STRN4: variants seen among roughly 807,000 people sequenced by gnomAD.
STRN4 encodes the protein striatin-4.
STRN4 carries 27 observed loss-of-function variants against 77.9 expected under a neutral mutation model. That is an observed-to-expected ratio of 0.35 (90% CI 0.26 to 0.48). The LOEUF is 0.48. Ranked by LOEUF, STRN4 falls within the 20% of genes least tolerant of loss-of-function variation. The probability of loss-of-function intolerance (pLI) is 0.99; values close to 1 mark genes in which losing one functional copy is unlikely to be tolerated. For synonymous variants in STRN4, 466 were observed against 443.1 expected, an observed-to-expected ratio of 1.05 and a Z score of -0.65; for missense variants, 798 against 1,049.7, an observed-to-expected ratio of 0.76 and a Z score of 3.31.
At chr19:46,742,971 A>G (rs769837884) in intron 1 of STRN4, among the ~76,000 whole-genome samples, 8 of 152,214 alleles carry the variant, frequency 5.3e-5, no homozygotes, top group Non-Finnish European at 1.0e-4. Flanking sequence ...TGGGGGAAAA[A>G]CTAGAAAAAA....
Position 46,725,589 on chromosome 19 carries a change from C to G in STRN4, c.1308G>C (p.Ser436=). ...KTWNPKFTLR[S]HYDGIRSLAF... ...CCAGGGAACGAATGCCGTCGTAGTG[C>G]GAGCGCAGGGTGAACTTGGGGTTCC... Residue 436 remains serine, a synonymous_variant, in exon 10 of 18, where the codon TCG becomes TCC. Transcript: ENST00000263280. The G allele has an allele frequency of 6.2e-7, 1 of 1,614,188 alleles. No homozygotes were observed. Among genetic ancestry groups the G allele is most frequent in the African/African-American group, 1.3e-5 (1 of 75,056 alleles).
chr19:46,733,050 C>T lies in STRN4; in HGVS notation c.726G>A (p.Glu242=), dbSNP rs748035986. The T allele has an allele frequency of 1.9e-6, 3 of 1,610,794 alleles. No individual in the cohort carries two copies. The highest frequency in any genetic ancestry group is 2.5e-6 in the Non-Finnish European group (3 of 1,177,484). The change falls in exon 5 of 18, where the codon GAG becomes GAA. Residue 242 remains glutamate, a synonymous_variant. Coordinates refer to ENST00000263280, the MANE Select transcript of STRN4 (RefSeq NM_013403.3). This position sits in a 1 kb window ranked among gnomAD's most constrained non-coding sequence, Gnocchi z 4.3. ...GESLLVKQIE[E]QIKRNAAGKD... ...GTCCACGGGCTCACCTCTTTATCTGCTCCTCGATCTGTTTCACCAGCAGCG... is the reference window on the plus strand; with the variant it reads ...GTCCACGGGCTCACCTCTTTATCTGTTCCTCGATCTGTTTCACCAGCAGCG...
intron 5 of STRN4, 124 bp downstream of exon 5, chr19:46,732,915 C>G: frequency 3.4e-6 from 4 of 1,168,466 alleles, no homozygotes; most frequent in Non-Finnish European, 4.7e-6. Flanking sequence ...CAAGGGAGCC[C>G]ACGGCATACT....
At chr19:46,722,547 T>A (rs1372437630) in intron 14 of STRN4, among the ~76,000 whole-genome samples, 1 of 151,924 alleles carries the variant, frequency 6.6e-6, no homozygotes, top group Non-Finnish European at 1.5e-5. Flanking sequence ...GGAAGAGGAA[T>A]AACAAACATG....
chr19:46,734,916 G>A (rs939383261), intron 4 of STRN4, among the ~76,000 whole-genome samples: 12 of 152,164 alleles, frequency 7.9e-5, no homozygotes, highest in South Asian at 4.1e-4. Context: ...TGCCCGCCTC[G>A]GCCTCCCAAA....
chr19:46,740,710 C>G (rs2054458246), intron 1 of STRN4, among the ~76,000 whole-genome samples: 1 of 152,138 alleles, frequency 6.6e-6, no homozygotes, highest in South Asian at 2.1e-4. Flanking sequence ...CATCAGGTGC[C>G]CCAGTAAGGC....
chr19:46,727,259 T>G (rs1282189320), intron 9 of STRN4, among the ~76,000 whole-genome samples, 193 bp downstream of exon 9: 1 of 151,730 alleles, frequency 6.6e-6, no homozygotes, highest in Non-Finnish European at 1.5e-5. Flanking sequence ...GAACTGTGAT[T>G]AAAACACAGG....
chr19:46,733,169 G>A lies in STRN4; in HGVS notation c.607C>T (p.Leu203=), dbSNP rs757392627. 1.9e-6 allele frequency: 3 copies of A among 1,611,602 alleles called. No homozygotes were observed. The highest frequency in any genetic ancestry group is 2.5e-6 in the Non-Finnish European group (3 of 1,180,016). ...DMRSKRVRSL[L]GRSLELNGAV... is the part of the protein sequence containing the mutation. ...CCGTTGAGCTCCAGCGAGCGGCCCA[G>A]CAGGGAACGGACGCGCTTGGACCGC... Residue 203 remains leucine (L), a synonymous_variant, in exon 5 of 18, where the codon CTG becomes TTG. Transcript: ENST00000263280. The surrounding 1 kb of genome is among the most constrained non-coding windows in gnomAD (Gnocchi z 4.3).
intron 6 of STRN4, among the ~76,000 whole-genome samples, chr19:46,729,470 G>A (rs1599873446): frequency 6.6e-6 from 1 of 152,186 alleles, no homozygotes; most frequent in South Asian, 2.1e-4. Context: ...CCAGTGAGGG[G>A]CCAGCCTCTG....
intron 11 of STRN4, 48 bp from the exon 12 acceptor site, chr19:46,724,976 C>T (rs1163292220): frequency 6.2e-7 from 1 of 1,611,578 alleles, no homozygotes; most frequent in Non-Finnish European, 8.5e-7. Context: ...AGCTCAGGGC[C>T]TCCCCTGGCC....
chr19:46,720,335 T>C lies in STRN4; in HGVS notation c.*70A>G. 2.8e-6 allele frequency: 1 copy of C among 352,172 alleles called. No individual in the cohort carries two copies. Among genetic ancestry groups the C allele is most frequent in the Non-Finnish European group, 5.1e-6 (1 of 196,870 alleles). The allele number at this position is 352,172 out of a possible 1,614,324, so 21.8% of individuals were successfully genotyped here. A position where few individuals can be genotyped will look rare whatever the true frequency, so the allele number is the denominator to read the frequency against. On this transcript the variant is annotated 3_prime_UTR_variant, in exon 18 of 18. Transcript: ENST00000263280. ...TCTGCACCTCCAGCGAGGCTGGGAG[T>C]CCCCTGCGGGAAAGAGAAGGGAGGG...
At chr19:46,724,564 G>A (rs11668987) in intron 12 of STRN4, among the ~76,000 whole-genome samples, 29,972 of 152,234 alleles carry the variant, frequency 0.2, 3,193 homozygotes, top group Non-Finnish European at 0.24. Flanking sequence ...TCTGGACGCC[G>A]GCTCACAGAG....
rs140213844 is a variant in STRN4, at chr19:46,729,666, T to C, written c.880-889A>G. 8.1e-4 allele frequency among the ~76,000 whole-genome samples: 123 copies of C among 152,200 alleles called. 1 individual carries two copies. Among genetic ancestry groups the C allele is most frequent in the African/African-American group, 2.7e-3 (113 of 41,522 alleles). On this transcript the variant is annotated intron_variant, in intron 6 of 17. Coordinates refer to ENST00000263280, the MANE Select transcript of STRN4 (RefSeq NM_013403.3). Reference sequence around the variant, plus strand: ...GCTCTGAGGGGCACACGAGTGGCAATTGTGCTCTGCCAACAGTGCCTGGAA... The same window carrying C: ...GCTCTGAGGGGCACACGAGTGGCAACTGTGCTCTGCCAACAGTGCCTGGAA...
chr19:46,721,938 T>C (rs1292187460), intron 16 of STRN4, 48 bp downstream of exon 16: 2 of 1,605,752 alleles, frequency 1.2e-6, no homozygotes, highest in African/African-American at 1.3e-5. Flanking sequence ...CCCAGGCCTC[T>C]TCCTCCCCTT....
In STRN4 at chr19:46,738,750, C is replaced by T; in HGVS notation, c.386+35G>A. The T allele has an allele frequency of 6.2e-7, 1 of 1,609,374 alleles. No individual in the cohort carries two copies. Among genetic ancestry groups the T allele is most frequent in the Non-Finnish European group, 8.5e-7 (1 of 1,176,124 alleles). ...TCCTGACACTGTGCTTGAGACGGAC[C>T]CAGAAGGCAGGCCCAGGGCAGGATG... On this transcript the variant is annotated intron_variant, in intron 2 of 17. Transcript: ENST00000263280. This position sits in a 1 kb window ranked among gnomAD's most constrained non-coding sequence, Gnocchi z 4.5.
In STRN4 at chr19:46,720,355, G is replaced by A. The variant is rs950800751; in HGVS notation, c.*67-17C>T. 7.7e-6 allele frequency: 3 copies of A among 387,262 alleles called. No homozygotes were observed. The highest frequency in any genetic ancestry group is 1.4e-5 in the Non-Finnish European group (3 of 220,182). 24.0% of individuals were successfully genotyped at this position (387,262 alleles called of 1,614,324 possible). On this transcript the variant is annotated splice_polypyrimidine_tract_variant and intron_variant, in intron 17 of 17. Transcript: ENST00000263280. ...GGGAGTCCCCTGCGGGAAAGAGAAG[G>A]GAGGGGAGACTGAGCCGCCGCCTCT... is the stretch of plus-strand genomic sequence containing the variant.
intron 4 of STRN4, among the ~76,000 whole-genome samples, chr19:46,736,580 A>G (rs1234784533): frequency 7.1e-6 from 1 of 141,624 alleles, no homozygotes. Flanking sequence ...AAAAAGCCAC[A>G]GAGGCATTCA....
rs2054029281 is a variant in STRN4, at chr19:46,723,409, C to T, written c.1595-125G>A. ...TCCAATCACCCACGCACCCACTTCA[C>T]ACCTGGTGCCCCTCGGAACTGTCCA... is the stretch of plus-strand genomic sequence containing the variant. On this transcript the variant is annotated intron_variant, in intron 12 of 17. Coordinates refer to ENST00000263280, the MANE Select transcript of STRN4 (RefSeq NM_013403.3). This position sits in a 1 kb window ranked among gnomAD's most constrained non-coding sequence, Gnocchi z 5.5. 2 of 1,213,664 alleles carry T rather than the reference C, an allele frequency of 1.6e-6. No individual in the cohort carries two copies. The highest frequency in any genetic ancestry group is 2.6e-5 in the East Asian group (1 of 38,860). 75.2% of individuals were successfully genotyped at this position (1,213,664 alleles called of 1,614,324 possible).
At chr19:46,721,027 A>G in intron 16 of STRN4, 1 of 384,372 alleles carries the variant, frequency 2.6e-6, no homozygotes, top group Non-Finnish European at 4.6e-6. Flanking sequence ...AGGGGCAGTG[A>G]ACAAAACAGG....
Sources: allele counts gnomAD v4.1 joint callset (sites outside exome capture counted in the v4.1 genomes callset), GRCh38; gene constraint gnomAD v4.1.1; non-coding constraint Gnocchi (gnomAD v3.1); transcripts MANE v1.5; gene names NCBI Gene and HGNC (gene_info 2026-07-23, HGNC 2026-07-21).